The following MYO3B variants were observed in gnomAD, a reference collection of about 807,000 sequenced individuals.
The protein encoded by MYO3B is myosin IIIB, also known as myosin-IIIb.
MYO3B carries 156 observed loss-of-function variants against 174.6 expected under a neutral mutation model. That is an observed-to-expected ratio of 0.89 (90% confidence interval 0.78 to 1.02). The LOEUF (loss-of-function observed/expected upper bound fraction) is 1.02. Ranked by LOEUF, MYO3B falls within the 50% of genes least tolerant of loss-of-function variation. The pLI is 0.00. For synonymous variants in MYO3B, 563 were observed against 569.1 expected (o/e 0.99, Z 0.15); for missense variants, 1,632 against 1,639.4 (o/e 1.00, Z 0.08).
At chr2:170,573,100 G>C (rs372597837) in intron 32 of MYO3B, among the ~76,000 whole-genome samples, 4 of 151,906 alleles carry the variant, frequency 2.6e-5, no homozygotes, top group East Asian at 1.9e-4. Context: ...CTTCTAGAGA[G>C]AGTCTCTAGA....
chr2:170,471,241 G>A (rs1362436417), intron 25 of MYO3B, among the ~76,000 whole-genome samples: 1 of 151,708 alleles, frequency 6.6e-6, no homozygotes, highest in Admixed American at 6.6e-5. Context: ...ATAGAGATGG[G>A]GTTTCACCAT....
At chr2:170,286,919 C>T (rs2093561040) in intron 7 of MYO3B, among the ~76,000 whole-genome samples, 1 of 152,002 alleles carries the variant, frequency 6.6e-6, no homozygotes, top group African/African-American at 2.4e-5. Context: ...CATTAATTTA[C>T]TCTCTGTCTT....
intron 32 of MYO3B, among the ~76,000 whole-genome samples, chr2:170,648,820 GAAT>G (rs1347464916): frequency 8.6e-5 from 8 of 92,940 alleles, no homozygotes; most frequent in East Asian, 3.5e-4. Flanking sequence ...ATATTATATA[GAAT>G]ATTATAAATA....
At chr2:170,502,499 C>G (rs569482395) in intron 28 of MYO3B, among the ~76,000 whole-genome samples, 13 of 152,300 alleles carry the variant, frequency 8.5e-5, no homozygotes, top group African/African-American at 3.1e-4. Context: ...GCTCGGCTTG[C>G]TATTGGCAGC....
chr2:170,293,702 A>T (rs1391202318), intron 7 of MYO3B, among the ~76,000 whole-genome samples: 1 of 152,186 alleles, frequency 6.6e-6, no homozygotes, highest in Non-Finnish European at 1.5e-5. Context: ...AAAGAGAAGC[A>T]GTAGGGATTC....
chr2:170,437,413 G>T (rs1020470491), intron 22 of MYO3B, among the ~76,000 whole-genome samples: 1 of 152,196 alleles, frequency 6.6e-6, no homozygotes, highest in East Asian at 1.9e-4. Flanking sequence ...ATCTAGGAAG[G>T]TTTTTTCTGA....
intron 30 of MYO3B, among the ~76,000 whole-genome samples, chr2:170,524,165 T>C (rs529541829): frequency 5.9e-5 from 9 of 152,260 alleles, no homozygotes; most frequent in East Asian, 3.9e-4. Context: ...CAGTTTTTTT[T>C]CCCCCCACAT....
At chr2:170,487,360 T>C (rs948557673) in intron 25 of MYO3B, among the ~76,000 whole-genome samples, 2 of 152,240 alleles carry the variant, frequency 1.3e-5, no homozygotes, top group African/African-American at 2.4e-5. Flanking sequence ...TCTTCCCTAC[T>C]AGAATATAAA....
chr2:170,565,472 G>T (rs1489773777), intron 32 of MYO3B, among the ~76,000 whole-genome samples: 1 of 152,210 alleles, frequency 6.6e-6, no homozygotes, highest in East Asian at 1.9e-4. Flanking sequence ...TGCCTAATAA[G>T]TGTTTGCCGA....
chr2:170,182,527 A>G (rs933402025), intron 1 of MYO3B, among the ~76,000 whole-genome samples: 2 of 152,102 alleles, frequency 1.3e-5, no homozygotes, highest in Non-Finnish European at 2.9e-5. Flanking sequence ...CTCTAGCAGT[A>G]TAACATGTTT....
chr2:170,624,961 G>C (rs1013944205), intron 32 of MYO3B, among the ~76,000 whole-genome samples: 2 of 152,104 alleles, frequency 1.3e-5, no homozygotes, highest in African/African-American at 4.8e-5. Flanking sequence ...TGCTGGATTC[G>C]GTTTGCCAGT....
intron 25 of MYO3B, among the ~76,000 whole-genome samples, chr2:170,489,632 G>GTGTGTGT (rs2106039159): frequency 1.0e-5 from 1 of 96,904 alleles, no homozygotes; most frequent in South Asian, 3.8e-4. Context: ...AAAACCAGTA[G>GTGTGTGT]GGGTGTGTGT....
chr2:170,414,870 T>A (rs1283732930), intron 22 of MYO3B, among the ~76,000 whole-genome samples: 2 of 152,234 alleles, frequency 1.3e-5, no homozygotes, highest in Non-Finnish European at 2.9e-5. Flanking sequence ...ATTTTAGTTA[T>A]TCATTGCTAA....
At chr2:170,618,211 A>C (rs934254953) in intron 32 of MYO3B, among the ~76,000 whole-genome samples, 1 of 152,170 alleles carries the variant, frequency 6.6e-6, no homozygotes, top group African/African-American at 2.4e-5. Context: ...GCATCCAAAT[A>C]CTATCATTAA....
At chr2:170,630,019 C>T (rs1696809770) in intron 32 of MYO3B, among the ~76,000 whole-genome samples, 1 of 152,210 alleles carries the variant, frequency 6.6e-6, no homozygotes, top group Non-Finnish European at 1.5e-5. Context: ...TTCTGCATTT[C>T]CAGCTGAGGT....
intron 1 of MYO3B, among the ~76,000 whole-genome samples, chr2:170,193,652 G>T (rs2092567008): frequency 6.6e-6 from 1 of 151,878 alleles, no homozygotes; most frequent in South Asian, 2.1e-4. Flanking sequence ...TTTTTTTGTT[G>T]TTATGTCAAA....
At chr2:170,305,655 A>T (rs2093696259) in intron 7 of MYO3B, among the ~76,000 whole-genome samples, 1 of 152,082 alleles carries the variant, frequency 6.6e-6, no homozygotes, top group South Asian at 2.1e-4. Context: ...AGATCCTGTA[A>T]ATTTTTGTCC....
rs757250293 is a variant in MYO3B at position 170,387,233 on chromosome 2, C to T, written c.1502C>T (p.Thr501Ile). The change falls in exon 14 of 35, where the codon ACA (threonine) becomes ATA (isoleucine). Residue 501 changes from threonine to isoleucine, a missense_variant. Transcript: ENST00000408978. ...RFGKYLEMMF[T>I]PTGVVMGARI... ...GGAAAATATCTGGAAATGATGTTTA[C>T]ACCAACTGGAGTTGTGATGGGGGCA... is the stretch of plus-strand genomic sequence containing the variant. 4 of 1,613,984 alleles carry T rather than the reference C, an allele frequency of 2.5e-6. No individual in the cohort carries two copies. Among genetic ancestry groups the T allele is most frequent in the Admixed American group, 1.7e-5 (1 of 59,988 alleles).
chr2:170,598,082 T>G (rs1375869348), intron 32 of MYO3B, among the ~76,000 whole-genome samples: 1 of 152,234 alleles, frequency 6.6e-6, no homozygotes, highest in African/African-American at 2.4e-5. Flanking sequence ...AAAACAGACT[T>G]TAAGCACCAT....
Sources: gnomAD v4.1 joint callset for allele counts (sites outside exome capture counted in the v4.1 genomes callset) on GRCh38, gnomAD v4.1.1 for gene constraint, MANE v1.5 for transcripts, NCBI Gene and HGNC (gene_info 2026-07-23, HGNC 2026-07-21) for gene names.